The following ADD2 variants were observed in gnomAD, a reference collection of about 807,000 sequenced individuals.
ADD2 encodes beta-adducin.
A neutral mutation model predicts 83.0 loss-of-function variants in ADD2; 23 were observed. The observed-to-expected ratio is 0.28, with a 90% confidence interval of 0.20 to 0.39. ADD2 has a LOEUF of 0.39. Ranked by LOEUF, ADD2 falls within the 10% of genes least tolerant of loss-of-function variation. The pLI is 1.00. For missense variants in ADD2, 758 were observed against 944.9 expected (o/e 0.80, Z 2.59); for synonymous variants, 375 against 375.4 (o/e 1.00, Z 0.01).
At chr2:70,731,835 T>C (rs567294504) in intron 1 of ADD2, among the ~76,000 whole-genome samples, 12 of 152,336 alleles carry the variant, frequency 7.9e-5, no homozygotes, top group Non-Finnish European at 1.6e-4. Context: ...GGCCAGCCCA[T>C]ATGTGTCATG....
chr2:70,733,922 C>G (rs1004409014), intron 1 of ADD2, among the ~76,000 whole-genome samples: 1 of 152,156 alleles, frequency 6.6e-6, no homozygotes, highest in African/African-American at 2.4e-5. Context: ...AAAAGCCCAC[C>G]CCTAGCAGCA....
In ADD2 at chr2:70,676,530, A is replaced by G; in HGVS notation, c.1593+266T>C. The G allele has an allele frequency of 2.9e-6, 4 of 1,384,782 alleles. No individual in the cohort carries two copies. Among genetic ancestry groups the G allele is most frequent in the Non-Finnish European group, 3.8e-6 (4 of 1,064,580 alleles). The allele number at this position is 1,384,782 out of a possible 1,614,324, so 85.8% of individuals were successfully genotyped here. A position where few individuals can be genotyped will look rare whatever the true frequency, so the allele number is the denominator to read the frequency against. On this transcript the variant is annotated intron_variant, in intron 13 of 15. Transcript: ENST00000264436. This position sits in a 1 kb window ranked among gnomAD's most constrained non-coding sequence, Gnocchi z 4.8. Reference sequence around the variant, plus strand: ...AGAGTGGAGTTCCATGGCAGGAGGTACGGAAGCCGGCCGCATCACTCCTGC... The same window carrying G: ...AGAGTGGAGTTCCATGGCAGGAGGTGCGGAAGCCGGCCGCATCACTCCTGC...
chr2:70,670,897 T>G (rs570576445), intron 15 of ADD2, among the ~76,000 whole-genome samples: 2 of 152,274 alleles, frequency 1.3e-5, no homozygotes, highest in South Asian at 4.1e-4. Flanking sequence ...ATGGGAAGTA[T>G]CTTCAAGACA....
intron 1 of ADD2, among the ~76,000 whole-genome samples, chr2:70,732,687 GCC>G (rs1673347877): frequency 1.3e-5 from 2 of 152,142 alleles, no homozygotes; most frequent in South Asian, 4.1e-4. Flanking sequence ...GGAGGTTGTT[GCC>G]TCTACATAAA....
At chr2:70,739,324 A>C (rs575320477) in intron 1 of ADD2, among the ~76,000 whole-genome samples, 2 of 152,362 alleles carry the variant, frequency 1.3e-5, no homozygotes. Context: ...AATCAAAACC[A>C]CAATGAGATA....
intron 1 of ADD2, among the ~76,000 whole-genome samples, chr2:70,736,596 C>T (rs1673574387): frequency 6.6e-6 from 1 of 152,206 alleles, no homozygotes; most frequent in Admixed American, 6.5e-5. Flanking sequence ...TGACACAGGA[C>T]ACAGTGCTTT....
intron 15 of ADD2, among the ~76,000 whole-genome samples, chr2:70,666,559 GGGCACTT>G (rs1267753148): frequency 6.6e-6 from 1 of 152,200 alleles, no homozygotes; most frequent in Non-Finnish European, 1.5e-5. Flanking sequence ...AAGATGGTTG[GGGCACTT>G]GCCTTCTAGC....
At chr2:70,681,644 A>G (rs1553369576) in intron 10 of ADD2, among the ~76,000 whole-genome samples, 2 of 152,028 alleles carry the variant, frequency 1.3e-5, no homozygotes, top group African/African-American at 4.8e-5. Context: ...GTAGTTACAA[A>G]AGTATTCTCA....
chr2:70,701,657 C>G (rs1671588759), intron 4 of ADD2, among the ~76,000 whole-genome samples: 1 of 151,900 alleles, frequency 6.6e-6, no homozygotes, highest in Admixed American at 6.6e-5. Flanking sequence ...AATAAGAGTT[C>G]AATAAGGGGC....
intron 1 of ADD2, among the ~76,000 whole-genome samples, chr2:70,730,872 T>C (rs925197909): frequency 1.2e-4 from 19 of 152,230 alleles, no homozygotes; most frequent in Non-Finnish European, 2.5e-4. Context: ...CTAGGAGCAA[T>C]AGGCTATACC....
rs1222056546 is a variant in ADD2, at chr2:70,688,260, TCAAATACCC to T, written c.850-147_850-139del. 4.9e-6 allele frequency: 3 copies of T among 615,296 alleles called. No individual in the cohort carries two copies. The African/African-American group carries it at 5.6e-5, about 11-fold the overall frequency. 38.1% of individuals were successfully genotyped at this position (615,296 alleles called of 1,614,324 possible). ...TCTCCCAACTCCTTATGTTCTCTAA[TCAAATACCC>T]CAAAGCTACCCCACATGGGATTTTA... is the stretch of plus-strand genomic sequence containing the variant. On this transcript the variant is annotated intron_variant, in intron 8 of 15. Transcript: ENST00000264436.
intron 9 of ADD2, 136 bp from the exon 10 acceptor site, chr2:70,683,903 C>T: frequency 1.1e-6 from 1 of 883,978 alleles, no homozygotes; most frequent in South Asian, 2.8e-5. Context: ...GCCACCCATA[C>T]TTGATGGGCA....
At chr2:70,669,567 A>T (rs1669815360) in intron 15 of ADD2, among the ~76,000 whole-genome samples, 1 of 152,222 alleles carries the variant, frequency 6.6e-6, no homozygotes. Context: ...TCCTCTAAGT[A>T]CCCAAATATA....
At chr2:70,760,235 C>T (rs1245569377) in intron 1 of ADD2, among the ~76,000 whole-genome samples, 2 of 152,184 alleles carry the variant, frequency 1.3e-5, no homozygotes, top group Non-Finnish European at 2.9e-5. Context: ...TAACCCTGAA[C>T]CTGCAACTCA....
intron 1 of ADD2, among the ~76,000 whole-genome samples, chr2:70,757,219 A>C (rs782680543): frequency 2.6e-4 from 40 of 151,932 alleles, no homozygotes; most frequent in Admixed American, 5.3e-4. Context: ...TTATTTTGGG[A>C]TACAGAGGTA....
Position 70,674,652 on chromosome 2 carries a change from CAA to C in ADD2, c.1741+24_1741+25del, listed in dbSNP as rs539121951. ...CCCTCCACCCTGGGGGACTTGGAAGCAAGGGTGTGCCTCAGGGTCATTTACCA... is the reference window on the plus strand; with the variant it reads ...CCCTCCACCCTGGGGGACTTGGAAGCGGGTGTGCCTCAGGGTCATTTACCA... On this transcript the variant is annotated intron_variant, in intron 14 of 15. Transcript: ENST00000264436. The C allele has an allele frequency of 1.9e-3, 3,067 of 1,596,484 alleles. 48 individuals carry two copies. The African/African-American group carries it at 0.038, about 20-fold the overall frequency.
At chr2:70,689,964 T>C (rs139446700) in intron 8 of ADD2, among the ~76,000 whole-genome samples, 2 of 152,200 alleles carry the variant, frequency 1.3e-5, no homozygotes, top group East Asian at 1.9e-4. Flanking sequence ...TTTGGCGGCA[T>C]GAAGTGAGAG....
intron 8 of ADD2, 43 bp from the exon 9 acceptor site, chr2:70,688,165 A>C: frequency 1.3e-6 from 2 of 1,533,822 alleles, no homozygotes; most frequent in South Asian, 2.3e-5. Context: ...AAGTCCTCTA[A>C]ACTTTAGTTA....
intron 1 of ADD2, among the ~76,000 whole-genome samples, chr2:70,762,682 G>C (rs1276900769): frequency 1.3e-5 from 2 of 149,926 alleles, no homozygotes; most frequent in East Asian, 3.9e-4. Flanking sequence ...CATAGCAAAA[G>C]GAAAGCGGTC....
Sources: allele counts gnomAD v4.1 joint callset (sites outside exome capture counted in the v4.1 genomes callset), GRCh38; gene constraint gnomAD v4.1.1; non-coding constraint Gnocchi (gnomAD v3.1); transcripts MANE v1.5; gene names NCBI Gene and HGNC (gene_info 2026-07-23, HGNC 2026-07-21).